IGSF5: variants seen among roughly 807,000 people sequenced by gnomAD.
The protein encoded by IGSF5 is immunoglobulin superfamily 5 like.
Under a neutral mutation model 39.4 loss-of-function variants are expected in IGSF5, and 41 were observed. The ratio of observed to expected loss-of-function variants is 1.04; its 90% CI spans 0.81 to 1.35. The LOEUF (loss-of-function observed/expected upper bound fraction) is 1.35. Ranked by LOEUF, IGSF5 falls within the 40% of genes most tolerant of loss-of-function variation. IGSF5 has a pLI of 0.00. For synonymous variants in IGSF5, 183 were observed against 175.3 expected, an observed-to-expected ratio of 1.04 and a Z score of -0.34; for missense variants, 487 against 494.6, an observed-to-expected ratio of 0.98 and a Z score of 0.15.
chr21:39,756,840 G>A (rs2080032804), intron 2 of IGSF5, among the ~76,000 whole-genome samples: 1 of 151,960 alleles, frequency 6.6e-6, no homozygotes, highest in Non-Finnish European at 1.5e-5. Context: ...GGTGGAGGGT[G>A]ACCAAGAGGG....
Position 39,745,359 on chromosome 21 carries a change from C to T in IGSF5, c.-151C>T. Reference sequence around the variant, plus strand: ...GCCTGAGGACGCAGCGTAGGGCTTCCTTAGATCCCTTTGGAGATACAACCT... The same window carrying T: ...GCCTGAGGACGCAGCGTAGGGCTTCTTTAGATCCCTTTGGAGATACAACCT... On this transcript the variant is annotated 5_prime_UTR_variant, in exon 1 of 9. Coordinates refer to ENST00000380588, the MANE Select transcript of IGSF5 (RefSeq NM_001080444.2). The T allele has an allele frequency of 3.5e-6, 2 of 576,532 alleles. No individual in the cohort carries two copies. The highest frequency in any genetic ancestry group is 1.9e-5 in the African/African-American group (1 of 53,122). The allele number at this position is 576,532 out of a possible 1,614,324, so 35.7% of individuals were successfully genotyped here. A position where few individuals can be genotyped will look rare whatever the true frequency, so the allele number is the denominator to read the frequency against.
At chr21:39,749,270 T>G (rs2079992640) in intron 2 of IGSF5, among the ~76,000 whole-genome samples, 1 of 151,146 alleles carries the variant, frequency 6.6e-6, no homozygotes, top group Non-Finnish European at 1.5e-5. Flanking sequence ...TGGAGTGCAG[T>G]GGCACGATCT....
chr21:39,742,165 G>A (rs2079951310), upstream of IGSF5, among the ~76,000 whole-genome samples: 1 of 151,634 alleles, frequency 6.6e-6, no homozygotes, highest in Non-Finnish European at 1.5e-5. Flanking sequence ...AACAGGAGAC[G>A]ACAAATGGGT....
At chr21:39,718,569 A>AT in the IGSF5 span, among the ~76,000 whole-genome samples, 4 of 152,184 alleles carry the variant, frequency 2.6e-5, no homozygotes, top group African/African-American at 4.8e-5. Context: ...TGGATGTTGA[A>AT]TTTTATCAAA....
chr21:39,721,728 A>G, the IGSF5 span, among the ~76,000 whole-genome samples: 5 of 126,216 alleles, frequency 4.0e-5, no homozygotes, highest in Non-Finnish European at 8.7e-5. Flanking sequence ...CCTTCCTTCC[A>G]CCCACCCATC....
At chr21:39,740,429 A>G (rs1305753473), upstream of IGSF5, among the ~76,000 whole-genome samples, 1 of 152,140 alleles carries the variant, frequency 6.6e-6, no homozygotes, top group Non-Finnish European at 1.5e-5. Context: ...TTCTCTCCAT[A>G]TTACTGCATG....
At chr21:39,744,030 T>C (rs1313771825), upstream of IGSF5, among the ~76,000 whole-genome samples, 1 of 152,164 alleles carries the variant, frequency 6.6e-6, no homozygotes, top group Non-Finnish European at 1.5e-5. Flanking sequence ...CTGATGAGCA[T>C]TAGTCCTAGA....
the IGSF5 span, among the ~76,000 whole-genome samples, chr21:39,737,430 A>C: frequency 1.3e-5 from 2 of 152,108 alleles, no homozygotes; most frequent in African/African-American, 4.8e-5. Context: ...GCTCTGTTAC[A>C]CAAGACAGAC....
the IGSF5 span, among the ~76,000 whole-genome samples, chr21:39,738,113 A>G: frequency 6.6e-6 from 1 of 152,166 alleles, no homozygotes; most frequent in African/African-American, 2.4e-5. This position sits in a 1 kb window ranked among gnomAD's most constrained non-coding sequence, Gnocchi z 6.4. Context: ...CAGCTGATGC[A>G]TTAGTCTGTT....
Position 39,746,585 on chromosome 21 carries a change from A to G in IGSF5, c.100+287A>G, listed in dbSNP as rs75698636. Among the ~76,000 whole-genome samples, 74 of 152,294 alleles carry G rather than the reference A, an allele frequency of 4.9e-4. No individual in the cohort carries two copies. The East Asian group carries it at 0.011, about 23-fold the overall frequency. Reference sequence around the variant, plus strand: ...TAACTGAGGAATAATTATTCTTACTAAAACCCAATAATTCAACTCAGAAGG... The same window carrying G: ...TAACTGAGGAATAATTATTCTTACTGAAACCCAATAATTCAACTCAGAAGG... On this transcript the variant is annotated intron_variant, in intron 2 of 8. Transcript: ENST00000380588.
At chr21:39,748,190 C>T (rs1376677257) in intron 2 of IGSF5, among the ~76,000 whole-genome samples, 2 of 151,466 alleles carry the variant, frequency 1.3e-5, no homozygotes, top group Non-Finnish European at 2.9e-5. Flanking sequence ...AAGGTGCCAG[C>T]AGAGTCAGCG....
chr21:39,747,537 TA>T (rs929894434), intron 2 of IGSF5, among the ~76,000 whole-genome samples: 1 of 152,192 alleles, frequency 6.6e-6, no homozygotes, highest in Admixed American at 6.5e-5. Flanking sequence ...TTTAATGAAT[TA>T]ATTACTTAGG....
chr21:39,748,301 C>T (rs1482063065), intron 2 of IGSF5, among the ~76,000 whole-genome samples: 185 of 58,218 alleles, frequency 3.2e-3, no homozygotes, highest in Non-Finnish European at 3.8e-3. Context: ...AAAACAAGAT[C>T]TTTTTTTTTT....
chr21:39,796,559 C>T (rs942644271), intron 8 of IGSF5, among the ~76,000 whole-genome samples: 5 of 152,224 alleles, frequency 3.3e-5, no homozygotes, highest in East Asian at 1.9e-4. Context: ...TCCTCCTCTC[C>T]GCATGCCTCA....
chr21:39,726,773 C>T, the IGSF5 span, among the ~76,000 whole-genome samples: 9 of 152,204 alleles, frequency 5.9e-5, no homozygotes, highest in Non-Finnish European at 1.3e-4. Context: ...AGCACCCCTA[C>T]CTGAGGGCCT....
intron 2 of IGSF5, among the ~76,000 whole-genome samples, chr21:39,757,533 G>A (rs1241176853): frequency 8.6e-5 from 13 of 151,692 alleles, no homozygotes; most frequent in Non-Finnish European, 1.9e-4. Flanking sequence ...CCCACACCAG[G>A]GGTTTCTGTT....
At position 39,745,293 on chromosome 21, in the gene IGSF5, A is replaced by G; in HGVS notation, c.-217A>G. ...TCAAGAGCTGTATACCTAAATTAGGAGGGACGCCAGGGATAAGACTCCCTG... is the reference window on the plus strand; with the variant it reads ...TCAAGAGCTGTATACCTAAATTAGGGGGGACGCCAGGGATAAGACTCCCTG... On this transcript the variant is annotated 5_prime_UTR_variant, in exon 1 of 9. Coordinates refer to ENST00000380588, the MANE Select transcript of IGSF5 (RefSeq NM_001080444.2). 2.3e-6 allele frequency: 1 copy of G among 441,546 alleles called. No homozygotes were observed. The highest frequency in any genetic ancestry group is 4.1e-6 in the Non-Finnish European group (1 of 242,642). 27.4% of individuals were successfully genotyped at this position (441,546 alleles called of 1,614,324 possible).
upstream of IGSF5, among the ~76,000 whole-genome samples, chr21:39,742,841 C>G (rs576134207): frequency 6.6e-6 from 1 of 151,954 alleles, no homozygotes; most frequent in African/African-American, 2.4e-5. Context: ...TATAAAAAAG[C>G]GAGGTTGCCA....
intron 2 of IGSF5, among the ~76,000 whole-genome samples, chr21:39,758,404 AGTT>A: frequency 6.6e-6 from 1 of 152,240 alleles, no homozygotes; most frequent in South Asian, 2.1e-4. Context: ...CCTTCCCACA[AGTT>A]GTTGCACCTG....
Sources: allele counts gnomAD v4.1 joint callset (sites outside exome capture counted in the v4.1 genomes callset), GRCh38; gene constraint gnomAD v4.1.1; non-coding constraint Gnocchi (gnomAD v3.1); transcripts MANE v1.5; gene names NCBI Gene and HGNC (gene_info 2026-07-23, HGNC 2026-07-21).